The following SENP5 variants were observed in gnomAD, a reference collection of about 807,000 sequenced individuals.
SENP5 encodes the protein SUMO specific peptidase 5.
A neutral mutation model predicts 74.2 loss-of-function variants in SENP5; 21 were observed. The ratio of observed to expected loss-of-function variants is 0.28; its 90% CI spans 0.20 to 0.41. The LOEUF is 0.41. Among genes scored for constraint, SENP5 ranks in the 10% least tolerant of loss-of-function variants. SENP5 has a pLI of 1.00. For missense variants in SENP5, 717 were observed against 889.1 expected (o/e 0.81, Z 2.46); for synonymous variants, 311 against 312.7 (o/e 0.99, Z 0.06).
Position 196,931,910 on chromosome 3 carries a change from G to T in SENP5, c.*987G>T, listed in dbSNP as rs770928532. ...AAGGCTGACTGACTTGAGATGTTTT[G>T]CAGGTGGCTGGAGAGAAGAGGGAAG... is the stretch of plus-strand genomic sequence containing the variant. On this transcript the variant is annotated 3_prime_UTR_variant, in exon 10 of 10. Coordinates refer to ENST00000323460, the MANE Select transcript of SENP5 (RefSeq NM_152699.5). The T allele has an allele frequency of 2.2e-6, 1 of 454,232 alleles. No homozygotes were observed. Among genetic ancestry groups the T allele is most frequent in the Non-Finnish European group, 4.4e-6 (1 of 226,146 alleles). The allele number at this position is 454,232 out of a possible 1,614,324, so 28.1% of individuals were successfully genotyped here.
intron 6 of SENP5, among the ~76,000 whole-genome samples, chr3:196,907,832 A>G (rs1009298057): frequency 6.6e-6 from 1 of 152,056 alleles, no homozygotes; most frequent in African/African-American, 2.4e-5. Flanking sequence ...CCTGGGCTGC[A>G]TGCTGCCCGT....
chr3:196,927,472 A>C (rs1715856151), intron 7 of SENP5, among the ~76,000 whole-genome samples: 1 of 152,072 alleles, frequency 6.6e-6, no homozygotes, highest in Non-Finnish European at 1.5e-5. Flanking sequence ...AAGAGTCTGA[A>C]ATAAAGTCCC....
At position 196,885,191 on chromosome 3, in the gene SENP5, C is replaced by G; in HGVS notation, c.10C>G (p.Gln4Glu). The change falls in exon 2 of 10, where the codon CAG becomes GAG. Residue 4 changes from glutamine (Q) to glutamate (E), a missense_variant. Around this residue, in one of 4 missense-constraint regions of SENP5, gnomAD observed 567 missense variants for 577.4 expected, o/e 0.98. Coordinates refer to ENST00000323460, the MANE Select transcript of SENP5 (RefSeq NM_152699.5). Reference sequence around the variant, plus strand: ...ATTATGCATCAGAAAAATGAAAAAACAGAGGAAAATTCTATGGAGGAAAGG... The same window carrying G: ...ATTATGCATCAGAAAAATGAAAAAAGAGAGGAAAATTCTATGGAGGAAAGG... MKK[Q>E]RKILWRKGIH... 1.9e-6 allele frequency: 3 copies of G among 1,608,346 alleles called. No homozygotes were observed. The highest frequency in any genetic ancestry group is 1.7e-6 in the Non-Finnish European group (2 of 1,177,942).
At chr3:196,892,747 G>A (rs1057079440) in intron 2 of SENP5, among the ~76,000 whole-genome samples, 5 of 151,898 alleles carry the variant, frequency 3.3e-5, no homozygotes, top group Admixed American at 2.0e-4. Context: ...GGTAACTACC[G>A]TTGATTCTCT....
rs146189369 is a variant in SENP5 at position 196,898,623 on chromosome 3, G to A, written c.1514-1043G>A. Among the ~76,000 whole-genome samples the A allele has an allele frequency of 4.0e-3, 611 of 151,706 alleles. 6 individuals carry two copies. The highest frequency in any genetic ancestry group is 0.014 in the African/African-American group (573 of 41,376). On this transcript the variant is annotated intron_variant, in intron 2 of 9. Coordinates refer to ENST00000323460, the MANE Select transcript of SENP5 (RefSeq NM_152699.5). The stretch of plus-strand genomic sequence containing the variant: ...AAAATTCTATTTACTGTCTTAAAAT[G>A]TGCTTCACTAGCTGGGTGTGGTGGC...
chr3:196,896,596 A>C (rs1279016136), intron 2 of SENP5, among the ~76,000 whole-genome samples: 3 of 152,174 alleles, frequency 2.0e-5, no homozygotes, highest in Admixed American at 2.0e-4. Flanking sequence ...CTGAGATTAC[A>C]GGCACGCTAA....
intron 6 of SENP5, among the ~76,000 whole-genome samples, chr3:196,914,786 G>T (rs1024003665): frequency 6.6e-6 from 1 of 151,530 alleles, no homozygotes; most frequent in African/African-American, 2.4e-5. Flanking sequence ...CCAGAAATCA[G>T]GTGAGTGATC....
intron 1 of SENP5, among the ~76,000 whole-genome samples, chr3:196,879,628 G>T (rs909263701): frequency 2.6e-5 from 4 of 151,948 alleles, no homozygotes; most frequent in African/African-American, 9.7e-5. Flanking sequence ...TCTTGTTTTT[G>T]GATCTCATTT....
chr3:196,914,694 G>T (rs1157225937), intron 6 of SENP5: 1 of 147,756 alleles, frequency 6.8e-6, no homozygotes, highest in Non-Finnish European at 1.5e-5. Context: ...CAAGATGGCA[G>T]AATAGTACCC....
chr3:196,874,742 G>C (rs1276362756), intron 1 of SENP5, among the ~76,000 whole-genome samples: 1 of 152,116 alleles, frequency 6.6e-6, no homozygotes, highest in African/African-American at 2.4e-5. Flanking sequence ...GGCTGGGCGT[G>C]GTGGCGCATG....
intron 2 of SENP5, among the ~76,000 whole-genome samples, chr3:196,897,258 T>A (rs1714479554): frequency 6.6e-6 from 1 of 152,222 alleles, no homozygotes; most frequent in Admixed American, 6.5e-5. Flanking sequence ...TATCTTCCAC[T>A]GGGCCCATTC....
chr3:196,907,893 T>TA (rs35164215), intron 6 of SENP5, among the ~76,000 whole-genome samples: 2,464 of 144,348 alleles, frequency 0.017, 18 homozygotes, highest in Non-Finnish European at 0.025. Flanking sequence ...TTGGGTTAAG[T>TA]AAAAAAAAAA....
intron 2 of SENP5, among the ~76,000 whole-genome samples, chr3:196,892,925 T>C (rs1714275040): frequency 6.6e-6 from 1 of 152,226 alleles, no homozygotes; most frequent in Admixed American, 6.5e-5. Context: ...TACATTTTCT[T>C]TCTCCATTCA....
chr3:196,882,096 A>G (rs1463870305), intron 1 of SENP5, among the ~76,000 whole-genome samples: 2 of 151,678 alleles, frequency 1.3e-5, no homozygotes, highest in African/African-American at 4.8e-5. Context: ...TTGGGGTTTT[A>G]CCTTGTTGGC....
intron 6 of SENP5, among the ~76,000 whole-genome samples, chr3:196,912,485 C>T (rs1034370286): frequency 1.3e-5 from 2 of 152,014 alleles, no homozygotes; most frequent in South Asian, 2.1e-4. Context: ...GGGCTTAAGA[C>T]CTAGATGACA....
intron 9 of SENP5, 109 bp downstream of exon 9, chr3:196,929,792 A>G: frequency 1.3e-6 from 1 of 749,038 alleles, no homozygotes; most frequent in South Asian, 1.6e-5. Context: ...AGGTACGAGC[A>G]ACGGAGTACT....
At chr3:196,903,715 C>T in intron 6 of SENP5, 105 bp downstream of exon 6, 1 of 624,656 alleles carries the variant, frequency 1.6e-6, no homozygotes, top group Non-Finnish European at 2.7e-6. Flanking sequence ...TAAGTAGAAA[C>T]AGACTTTTTA....
chr3:196,911,588 CAAAAAACATATG>C (rs1159512097), intron 6 of SENP5, among the ~76,000 whole-genome samples: 2 of 151,026 alleles, frequency 1.3e-5, no homozygotes, highest in African/African-American at 4.9e-5. Flanking sequence ...TTTATGTAGC[CAAAAAACATATG>C]AAAAAACCTC....
chr3:196,880,429 C>T (rs967585064), intron 1 of SENP5, among the ~76,000 whole-genome samples: 2 of 152,272 alleles, frequency 1.3e-5, no homozygotes, highest in South Asian at 2.1e-4. Flanking sequence ...AGGCAATTAA[C>T]GTTGAGAGAA....
Sources: allele counts gnomAD v4.1 joint callset (sites outside exome capture counted in the v4.1 genomes callset), GRCh38; gene constraint gnomAD v4.1.1; regional missense constraint gnomAD v4.1.1; transcripts MANE v1.5; gene names NCBI Gene and HGNC (gene_info 2026-07-23, HGNC 2026-07-21).